The following ASPH variants were observed in gnomAD, a reference collection of about 807,000 sequenced individuals.
ASPH encodes the protein aspartyl/asparaginyl beta-hydroxylase.
In ASPH, 100 loss-of-function variants were observed where a neutral mutation model predicts 118.4. The observed-to-expected ratio is 0.84, with a 90% CI of 0.72 to 1.00. ASPH has a LOEUF of 1.00. Among genes scored for constraint, ASPH ranks in the 50% least tolerant of loss-of-function variants. ASPH has a pLI of 0.00. For missense variants in ASPH, 920 were observed against 919.5 expected (o/e 1.00, Z -0.01); for synonymous variants, 315 against 325.6 (o/e 0.97, Z 0.35).
Position 61,637,931 on chromosome 8 carries a change from C to CTT in ASPH, c.889+15_889+16insAA, listed in dbSNP as rs1858597531. ...CTCATATGGAAGGTAAAACCACTTC[C>CTT]ATAAATTTATCTTACCTTCTACAAT... is the stretch of plus-strand genomic sequence containing the variant. On this transcript the variant is annotated intron_variant, in intron 12 of 24. Coordinates refer to ENST00000379454, the MANE Select transcript of ASPH (RefSeq NM_004318.4). The CTT allele has an allele frequency of 5.0e-6, 8 of 1,601,998 alleles. No individual in the cohort carries two copies. Among genetic ancestry groups the CTT allele is most frequent in the Non-Finnish European group, 6.8e-6 (8 of 1,173,906 alleles).
chr8:61,643,841 C>T, intron 8 of ASPH, 104 bp downstream of exon 8: 3 of 861,866 alleles, frequency 3.5e-6, no homozygotes, highest in East Asian at 2.6e-5. Context: ...AAATACCATA[C>T]AGGGATCTCT....
Position 61,689,564 on chromosome 8 carries a change from C to T in ASPH, c.104-5376G>A, listed in dbSNP as rs181960792. The T allele has an allele frequency of 1.0e-4, 106 of 1,046,246 alleles. 2 individuals carry two copies. In the African/African-American group the frequency reaches 1.4e-3, roughly 14 times the overall value. 64.8% of individuals were successfully genotyped at this position (1,046,246 alleles called of 1,614,324 possible). A position where few individuals can be genotyped will look rare whatever the true frequency, so the allele number is the denominator to read the frequency against. The stretch of plus-strand genomic sequence containing the variant: ...TTCAAAATAGAAAATGTAGACAGTA[C>T]AGTCAAAGCACTTAGCCAAAAATAT... On this transcript the variant is annotated intron_variant, in intron 1 of 24. Transcript: ENST00000379454.
intron 3 of ASPH, chr8:61,675,261 T>A: frequency 1.1e-6 from 1 of 881,464 alleles, no homozygotes. Context: ...AAGACTTATT[T>A]AGGATGAATA....
At chr8:61,592,751 A>G (rs1466182603) in intron 14 of ASPH, among the ~76,000 whole-genome samples, 1 of 152,168 alleles carries the variant, frequency 6.6e-6, no homozygotes, top group South Asian at 2.1e-4. Flanking sequence ...CAGTTAACCC[A>G]AGATAGGACC....
chr8:61,550,151 C>A (rs1425709709), intron 20 of ASPH, among the ~76,000 whole-genome samples: 2 of 152,044 alleles, frequency 1.3e-5, no homozygotes, highest in Non-Finnish European at 2.9e-5. Context: ...CCAATGAATT[C>A]AGCTAGAGTG....
chr8:61,650,016 G>A (rs1339650027), intron 5 of ASPH, among the ~76,000 whole-genome samples: 1 of 152,126 alleles, frequency 6.6e-6, no homozygotes, highest in Non-Finnish European at 1.5e-5. Flanking sequence ...GCCTGGTGAA[G>A]GTCTACACCA....
At chr8:61,684,416 T>C in intron 1 of ASPH, 1 of 469,618 alleles carries the variant, frequency 2.1e-6, no homozygotes, top group Non-Finnish European at 3.7e-6. Flanking sequence ...AACTCCTGAA[T>C]TTTTTTAAAG....
In ASPH at chr8:61,653,672, T is replaced by A. The variant is rs1213618730; in HGVS notation, c.323-12A>T. 2 of 1,611,678 alleles carry A rather than the reference T, an allele frequency of 1.2e-6. No homozygotes were observed. The highest frequency in any genetic ancestry group is 1.7e-6 in the Non-Finnish European group (2 of 1,179,342). Reference sequence around the variant, plus strand: ...TCTCTCTTTAAGTCCTGCATTTTTTTATTCACAAAGTTAACTTGAGTTTTT... The same window carrying A: ...TCTCTCTTTAAGTCCTGCATTTTTTAATTCACAAAGTTAACTTGAGTTTTT... On this transcript the variant is annotated splice_polypyrimidine_tract_variant and intron_variant, in intron 3 of 24. Coordinates refer to ENST00000379454, the MANE Select transcript of ASPH (RefSeq NM_004318.4).
intron 13 of ASPH, among the ~76,000 whole-genome samples, chr8:61,620,497 T>C (rs939408234): frequency 2.6e-5 from 4 of 152,004 alleles, no homozygotes; most frequent in Admixed American, 6.6e-5. Context: ...TTTTTTTTTT[T>C]AAGGACATGT....
intron 3 of ASPH, chr8:61,675,379 T>C (rs1435733850): frequency 5.1e-6 from 5 of 974,714 alleles, no homozygotes; most frequent in Non-Finnish European, 6.1e-6. Flanking sequence ...TATTTGGAAA[T>C]AAAATTTAAA....
intron 21 of ASPH, among the ~76,000 whole-genome samples, chr8:61,531,234 T>G (rs1222845025): frequency 6.6e-6 from 1 of 152,228 alleles, no homozygotes; most frequent in African/African-American, 2.4e-5. Flanking sequence ...ATTACTTTCT[T>G]GCTTTTTCTC....
At chr8:61,515,504 T>G (rs1418750475) in intron 24 of ASPH, among the ~76,000 whole-genome samples, 1 of 152,176 alleles carries the variant, frequency 6.6e-6, no homozygotes, top group African/African-American at 2.4e-5. Context: ...ATGGAACCTT[T>G]TCATTTCTGT....
intron 13 of ASPH, chr8:61,628,228 T>C (rs889885682): frequency 1.8e-5 from 5 of 272,366 alleles, no homozygotes; most frequent in South Asian, 3.2e-5. Flanking sequence ...GGTGCGATCA[T>C]AGCCTACTGC....
chr8:61,676,421 C>A, intron 3 of ASPH: 1 of 1,082,758 alleles, frequency 9.2e-7, no homozygotes, highest in East Asian at 2.6e-5. Flanking sequence ...GCATCAAGGT[C>A]AGAGAGGTTT....
intron 14 of ASPH, among the ~76,000 whole-genome samples, chr8:61,594,445 G>T (rs1841996503): frequency 6.6e-6 from 1 of 152,132 alleles, no homozygotes; most frequent in African/African-American, 2.4e-5. Flanking sequence ...AAACAAAACA[G>T]ATGTTCCCAA....
intron 15 of ASPH, 102 bp from the exon 16 acceptor site, chr8:61,576,960 G>T: frequency 2.0e-6 from 2 of 982,618 alleles, no homozygotes; most frequent in Non-Finnish European, 2.9e-6. Flanking sequence ...GAGTTTCCTA[G>T]ATTCCATCCT....
chr8:61,566,680 C>T (rs1831803878), intron 17 of ASPH, among the ~76,000 whole-genome samples: 1 of 152,212 alleles, frequency 6.6e-6, no homozygotes, highest in Non-Finnish European at 1.5e-5. Flanking sequence ...GTCACCCCAA[C>T]CTTCAGCAAC....
intron 16 of ASPH, among the ~76,000 whole-genome samples, chr8:61,575,466 GACTT>G (rs1434671244): frequency 2.0e-5 from 3 of 151,918 alleles, no homozygotes; most frequent in Non-Finnish European, 4.4e-5. Context: ...ATATACATTG[GACTT>G]ACTTGTCTTA....
chr8:61,576,695 G>T, intron 16 of ASPH, 77 bp downstream of exon 16: 1 of 1,270,710 alleles, frequency 7.9e-7, no homozygotes, highest in Non-Finnish European at 1.1e-6. Context: ...AGGGAAAATA[G>T]TGAGGAGTAA....
Sources: allele counts gnomAD v4.1 joint callset (sites outside exome capture counted in the v4.1 genomes callset), GRCh38; gene constraint gnomAD v4.1.1; transcripts MANE v1.5; gene names NCBI Gene and HGNC (gene_info 2026-07-23, HGNC 2026-07-21).